TMOD3: variants seen among roughly 807,000 people sequenced by gnomAD.
TMOD3 encodes tropomodulin-3.
Under a neutral mutation model 39.2 loss-of-function variants are expected in TMOD3, and 20 were observed. The observed-to-expected ratio is 0.51, with a 90% CI of 0.36 to 0.74. The LOEUF (loss-of-function observed/expected upper bound fraction) is 0.74, where lower values mean the gene tolerates loss of function less well. TMOD3 is among the 30% of genes least tolerant of loss of function. TMOD3 has a pLI of 0.00. For missense variants in TMOD3, 381 were observed against 412.8 expected (o/e 0.92, Z 0.67); for synonymous variants, 143 against 145.8 (o/e 0.98, Z 0.14).
intron 1 of TMOD3, among the ~76,000 whole-genome samples, chr15:51,852,138 T>A (rs545720963): frequency 6.6e-6 from 1 of 152,330 alleles, no homozygotes; most frequent in Admixed American, 6.5e-5. Flanking sequence ...CTTATGCCTG[T>A]TGTCTAGAAC....
chr15:51,866,287 T>G (rs2056445072), intron 2 of TMOD3, among the ~76,000 whole-genome samples: 1 of 152,140 alleles, frequency 6.6e-6, no homozygotes, highest in South Asian at 2.1e-4. Flanking sequence ...AGACCTTGCC[T>G]CGACAAAAAA....
chr15:51,834,360 C>G (rs981677683), intron 1 of TMOD3, among the ~76,000 whole-genome samples: 1 of 151,940 alleles, frequency 6.6e-6, no homozygotes, highest in Admixed American at 6.6e-5. Flanking sequence ...TTACCAGTGC[C>G]CAGGATTGCA....
intron 6 of TMOD3, among the ~76,000 whole-genome samples, chr15:51,895,642 C>T (rs2056616859): frequency 6.6e-6 from 1 of 152,136 alleles, no homozygotes; most frequent in Admixed American, 6.5e-5. Context: ...AAACCAGCAT[C>T]TTCAGTATTT....
intron 1 of TMOD3, among the ~76,000 whole-genome samples, chr15:51,847,830 C>T (rs1239777051): frequency 1.3e-5 from 2 of 152,226 alleles, no homozygotes; most frequent in East Asian, 1.9e-4. Context: ...ATATGTGTGC[C>T]AATACAGTGC....
At chr15:51,865,012 A>G (rs553478165) in intron 2 of TMOD3, among the ~76,000 whole-genome samples, 6 of 152,164 alleles carry the variant, frequency 3.9e-5, no homozygotes, top group African/African-American at 1.2e-4. Flanking sequence ...TTAGAGCCCA[A>G]TTCTCACTCT....
At chr15:51,855,105 C>T (rs556076477) in intron 1 of TMOD3, among the ~76,000 whole-genome samples, 1 of 152,302 alleles carries the variant, frequency 6.6e-6, no homozygotes, top group South Asian at 2.1e-4. Flanking sequence ...CAACAGCACC[C>T]ATAGACTTTG....
chr15:51,888,471 C>G (rs954066491), intron 4 of TMOD3, among the ~76,000 whole-genome samples: 2 of 152,160 alleles, frequency 1.3e-5, no homozygotes, highest in African/African-American at 2.4e-5. Flanking sequence ...TGGAATGAGC[C>G]AAGGACATCC....
chr15:51,883,840 G>T (rs1291571081), intron 3 of TMOD3, among the ~76,000 whole-genome samples: 1 of 152,136 alleles, frequency 6.6e-6, no homozygotes, highest in Admixed American at 6.5e-5. Flanking sequence ...GGTAGATTGA[G>T]CTCAGGAAAA....
chr15:51,872,873 A>G (rs1218425921), intron 3 of TMOD3, among the ~76,000 whole-genome samples: 1 of 152,186 alleles, frequency 6.6e-6, no homozygotes, highest in Non-Finnish European at 1.5e-5. Flanking sequence ...GCGGTCCAGA[A>G]CAACCATGGG....
Position 51,911,066 on chromosome 15 carries a change from G to C in TMOD3, c.*2256G>C, listed in dbSNP as rs2056709090. ...GACTGCACAGTTCCAGCAAGATTGG[G>C]AGTCAGGCATGGAGCAGGCATCTCA... On this transcript the variant is annotated 3_prime_UTR_variant, in exon 10 of 10. Coordinates refer to ENST00000308580, the MANE Select transcript of TMOD3 (RefSeq NM_014547.5). 6.6e-6 allele frequency: 1 copy of C among 152,192 alleles called. No homozygotes were observed. The highest frequency in any genetic ancestry group is 1.9e-4 in the East Asian group (1 of 5,186). The allele number at this position is 152,192 out of a possible 1,614,324, so 9.4% of individuals were successfully genotyped here. A position where few individuals can be genotyped will look rare whatever the true frequency, so the allele number is the denominator to read the frequency against.
chr15:51,845,249 G>T (rs2056330142), intron 1 of TMOD3, among the ~76,000 whole-genome samples: 1 of 152,148 alleles, frequency 6.6e-6, no homozygotes, highest in Admixed American at 6.5e-5. Context: ...ACTGAGGGAG[G>T]ATCTGTGCTC....
intron 6 of TMOD3, 63 bp from the exon 7 acceptor site, chr15:51,896,356 T>A (rs1208321109): frequency 8.4e-7 from 1 of 1,190,420 alleles, no homozygotes; most frequent in African/African-American, 1.6e-5. Flanking sequence ...TATATTTGAT[T>A]AATGGAAACT....
intron 3 of TMOD3, among the ~76,000 whole-genome samples, chr15:51,873,710 A>AT (rs200582229): frequency 2.4e-3 from 350 of 146,380 alleles, no homozygotes; most frequent in East Asian, 0.012. Flanking sequence ...TGACTGCTTA[A>AT]TTTTTTTTTT....
rs994821561 is a variant in TMOD3, at chr15:51,882,557, C to T, written c.284-5032C>T. 2.6e-5 allele frequency among the ~76,000 whole-genome samples: 4 copies of T among 152,230 alleles called. No individual in the cohort carries two copies. In the South Asian group the frequency reaches 8.3e-4, roughly 32 times the overall value. On this transcript the variant is annotated intron_variant, in intron 3 of 9. Transcript: ENST00000308580. The stretch of plus-strand genomic sequence containing the variant: ...TGTGATTGTGCAGTTGTCGTAGTAC[C>T]ATTTGTTGAAACACTGTTCTTTCTC...
intron 7 of TMOD3, chr15:51,899,009 T>C (rs946937756): frequency 3.9e-5 from 6 of 152,350 alleles, no homozygotes; most frequent in African/African-American, 7.2e-5. Flanking sequence ...ATTGAAGACA[T>C]ACCATTACTT....
chr15:51,869,380 C>T lies in TMOD3; in HGVS notation c.283+7C>T, dbSNP rs1278081123. 1 of 1,608,922 alleles carries T rather than the reference C, an allele frequency of 6.2e-7. No homozygotes were observed. Among genetic ancestry groups the T allele is most frequent in the Non-Finnish European group, 8.5e-7 (1 of 1,178,734 alleles). ...TACACTGGAGAAAAAAAAGGTAAGC[C>T]CCAGAATTTTAAAGTCATTATGTGG... On this transcript the variant is annotated splice_region_variant and intron_variant, in intron 3 of 9. Transcript: ENST00000308580.
At chr15:51,908,021 G>A (rs1019778388) in intron 9 of TMOD3, among the ~76,000 whole-genome samples, 5 of 152,178 alleles carry the variant, frequency 3.3e-5, no homozygotes, top group Non-Finnish European at 7.3e-5. Flanking sequence ...ATCAGACCCT[G>A]AACTGGTTTA....
chr15:51,838,744 C>T (rs2056298742), intron 1 of TMOD3, among the ~76,000 whole-genome samples: 1 of 152,168 alleles, frequency 6.6e-6, no homozygotes, highest in Non-Finnish European at 1.5e-5. Flanking sequence ...CCCAGCCCTG[C>T]TTCATTCTCT....
intron 9 of TMOD3, among the ~76,000 whole-genome samples, chr15:51,902,772 C>T (rs1388496809): frequency 4.0e-5 from 6 of 151,676 alleles, no homozygotes; most frequent in Non-Finnish European, 5.9e-5. Context: ...GCCTCAGCCT[C>T]CTGAGTAGCT....
Sources: allele counts gnomAD v4.1 joint callset (sites outside exome capture counted in the v4.1 genomes callset), GRCh38; gene constraint gnomAD v4.1.1; transcripts MANE v1.5; gene names NCBI Gene and HGNC (gene_info 2026-07-23, HGNC 2026-07-21).